SYNE1: variants seen among roughly 807,000 people sequenced by gnomAD.
The protein encoded by SYNE1 is spectrin repeat containing nuclear envelope protein 1.
In SYNE1, 616 loss-of-function variants were observed where a neutral mutation model predicts 1,111.0. The ratio of observed to expected loss-of-function variants is 0.55; its 90% confidence interval spans 0.52 to 0.59. The LOEUF (loss-of-function observed/expected upper bound fraction) is 0.59. Ranked by LOEUF, SYNE1 falls within the 20% of genes least tolerant of loss-of-function variation. SYNE1 has a pLI of 0.00. For synonymous variants in SYNE1, 3,855 were observed against 3,825.8 expected, an observed-to-expected ratio of 1.01 and a Z score of -0.28; for missense variants, 10,006 against 10,417.0, an observed-to-expected ratio of 0.96 and a Z score of 1.72.
intron 3 of SYNE1, among the ~76,000 whole-genome samples, chr6:152,575,850 A>T (rs150404292): frequency 6.6e-6 from 1 of 152,352 alleles, no homozygotes; most frequent in Non-Finnish European, 1.5e-5. Context: ...CATTTAATGC[A>T]TGCTACATTA....
chr6:152,220,551 T>C (rs2079934857), intron 119 of SYNE1, among the ~76,000 whole-genome samples: 3 of 152,206 alleles, frequency 2.0e-5, no homozygotes, highest in African/African-American at 7.2e-5. Context: ...TGTCTTATAT[T>C]GACCACCCTA....
intron 119 of SYNE1, 45 bp downstream of exon 119, chr6:152,220,797 T>A (rs367857361): frequency 6.4e-7 from 1 of 1,572,940 alleles, no homozygotes; most frequent in African/African-American, 1.4e-5. Flanking sequence ...ACTTGGGCAG[T>A]CTAAGAAGGG....
intron 121 of SYNE1, among the ~76,000 whole-genome samples, chr6:152,217,390 C>T (rs1188143569): frequency 5.4e-5 from 7 of 130,274 alleles, no homozygotes; most frequent in Admixed American, 8.0e-5. Context: ...AGCAAGACTC[C>T]GTCACAAAAA....
At position 152,208,262 on chromosome 6, in the gene SYNE1, G is replaced by A. The variant is rs571740873; in HGVS notation, c.22590-56C>T. 2.8e-5 allele frequency: 42 copies of A among 1,499,634 alleles called. 1 individual carries two copies. In the South Asian group the frequency reaches 3.3e-4, roughly 12 times the overall value. The allele number at this position is 1,499,634 out of a possible 1,614,324, so 92.9% of individuals were successfully genotyped here. ...GCACTGTTATCTTGGATGCAGTTACGCAATCAGCCAATGTATACACTGTCA... is the reference window on the plus strand; with the variant it reads ...GCACTGTTATCTTGGATGCAGTTACACAATCAGCCAATGTATACACTGTCA... On this transcript the variant is annotated intron_variant, in intron 124 of 145. Coordinates refer to ENST00000367255, the MANE Select transcript of SYNE1 (RefSeq NM_182961.4).
Position 152,141,340 on chromosome 6 carries a change from A to G in SYNE1, c.25120-11T>C, listed in dbSNP as rs1562967637. On this transcript the variant is annotated splice_polypyrimidine_tract_variant and intron_variant, in intron 138 of 145. Transcript: ENST00000367255. The stretch of plus-strand genomic sequence containing the variant: ...GCCCAGCAGTTTCATCTGTTTAGAC[A>G]TAAACAACCGGCCCCTGTCACCCAA... The G allele has an allele frequency of 6.2e-7, 1 of 1,613,776 alleles. No individual in the cohort carries two copies. The highest frequency in any genetic ancestry group is 8.5e-7 in the Non-Finnish European group (1 of 1,179,952).
chr6:152,309,537 G>A (rs1024395214), intron 90 of SYNE1, among the ~76,000 whole-genome samples: 2 of 152,088 alleles, frequency 1.3e-5, no homozygotes, highest in African/African-American at 4.8e-5. Flanking sequence ...TGATTCTCAG[G>A]TGAATAATAA....
chr6:152,430,411 G>A, intron 35 of SYNE1, 71 bp downstream of exon 35: 10 of 1,366,952 alleles, frequency 7.3e-6, no homozygotes, highest in South Asian at 2.3e-5. Flanking sequence ...TATTTGTAAA[G>A]TATTTATTGC....
intron 126 of SYNE1, among the ~76,000 whole-genome samples, chr6:152,204,896 T>C (rs981428189): frequency 3.3e-5 from 5 of 152,100 alleles, no homozygotes; most frequent in African/African-American, 1.2e-4. Context: ...ATCACAAATT[T>C]AAAAAAATAT....
intron 130 of SYNE1, among the ~76,000 whole-genome samples, chr6:152,175,883 CTTATAGT>C (rs1286070674): frequency 1.3e-5 from 2 of 152,192 alleles, no homozygotes; most frequent in African/African-American, 4.8e-5. Context: ...GAGGCAAACA[CTTATAGT>C]TAGCACTAAA....
Position 152,336,655 on chromosome 6 carries a change from C to G in SYNE1, c.12528+186G>C, listed in dbSNP as rs557202351. 5 of 752,948 alleles carry G rather than the reference C, an allele frequency of 6.6e-6. No homozygotes were observed. The South Asian group carries it at 7.6e-5, about 11-fold the overall frequency. The allele number at this position is 752,948 out of a possible 1,614,324, so 46.6% of individuals were successfully genotyped here. On this transcript the variant is annotated intron_variant, in intron 76 of 145. Coordinates refer to ENST00000367255, the MANE Select transcript of SYNE1 (RefSeq NM_182961.4). ...TCGCCTCCCACTGTGCGGCCAGGTT[C>G]CTAACAGGACATGGACTTGTGCTTG...
intron 144 of SYNE1, 142 bp downstream of exon 144, chr6:152,131,980 G>C (rs1032463249): frequency 6.2e-5 from 42 of 679,486 alleles, no homozygotes; most frequent in Non-Finnish European, 1.1e-4. Flanking sequence ...GGATGTGGCA[G>C]GGCTGAGGAA....
At chr6:152,363,655 C>G (rs2096990781) in intron 63 of SYNE1, 16 of 441,728 alleles carry the variant, frequency 3.6e-5, no homozygotes, top group South Asian at 2.4e-4. Context: ...CCGGATCACA[C>G]CACTGCAGCA....
chr6:152,314,405 G>A (rs1369169594), intron 87 of SYNE1, among the ~76,000 whole-genome samples: 1 of 152,118 alleles, frequency 6.6e-6, no homozygotes, highest in Non-Finnish European at 1.5e-5. Context: ...ATGTTTTTCA[G>A]GACTCAGCCC....
intron 76 of SYNE1, among the ~76,000 whole-genome samples, 195 bp from the exon 77 acceptor site, chr6:152,334,468 C>T (rs931380629): frequency 1.7e-4 from 26 of 152,064 alleles, no homozygotes; most frequent in African/African-American, 6.3e-4. Context: ...CGTTAATTCC[C>T]ACGTGTGCAA....
intron 3 of SYNE1, among the ~76,000 whole-genome samples, chr6:152,598,162 G>A (rs1389756680): frequency 6.6e-6 from 1 of 152,144 alleles, no homozygotes; most frequent in Non-Finnish European, 1.5e-5. Context: ...ATTCCCATGT[G>A]TTGTAGGAGG....
At chr6:152,170,103 T>C (rs1018923302) in intron 130 of SYNE1, among the ~76,000 whole-genome samples, 1 of 152,202 alleles carries the variant, frequency 6.6e-6, no homozygotes, top group African/African-American at 2.4e-5. Flanking sequence ...TCTTTTACCT[T>C]ATTTAGTTTA....
Position 152,247,855 on chromosome 6 carries a change from A to ACAC in SYNE1, c.19572+1305_19572+1306insGTG, listed in dbSNP as rs1562486827. ...CAAACTATTTTGAGAGGTGTTCTTT[A>ACAC]ACACACACACACACACACACACACA... is the stretch of plus-strand genomic sequence containing the variant. On this transcript the variant is annotated intron_variant, in intron 105 of 145. Coordinates refer to ENST00000367255, the MANE Select transcript of SYNE1 (RefSeq NM_182961.4). 8.6e-4 allele frequency among the ~76,000 whole-genome samples: 77 copies of ACAC among 89,900 alleles called. No homozygotes were observed. In the East Asian group the frequency reaches 0.01, roughly 12 times the overall value. 59.0% of individuals were successfully genotyped at this position (89,900 alleles called of 152,430 possible).
At chr6:152,394,222 A>G (rs967996923) in intron 51 of SYNE1, among the ~76,000 whole-genome samples, 13 of 152,192 alleles carry the variant, frequency 8.5e-5, no homozygotes, top group African/African-American at 3.1e-4. Context: ...TATCCAGTCT[A>G]TCACTGATGG....
chr6:152,462,593 T>C, intron 20 of SYNE1, 145 bp downstream of exon 20: 1 of 837,932 alleles, frequency 1.2e-6, no homozygotes, highest in South Asian at 1.5e-5. Context: ...CATTTTTTTC[T>C]GACAGGTGCA....
Sources: gnomAD v4.1 joint callset for allele counts (sites outside exome capture counted in the v4.1 genomes callset) on GRCh38, gnomAD v4.1.1 for gene constraint, MANE v1.5 for transcripts, NCBI Gene and HGNC (gene_info 2026-07-23, HGNC 2026-07-21) for gene names.